TLN2: variants seen among roughly 807,000 people sequenced by gnomAD.
The protein encoded by TLN2 is talin 2, also known as talin-2.
TLN2 carries 118 observed loss-of-function variants against 294.7 expected under a neutral mutation model. That is an observed-to-expected ratio of 0.40 (90% CI 0.34 to 0.47). The LOEUF (loss-of-function observed/expected upper bound fraction) is 0.47. Ranked by LOEUF, TLN2 falls within the 20% of genes least tolerant of loss-of-function variation. TLN2 has a pLI of 0.84. For synonymous variants in TLN2, 1,431 were observed against 1,304.5 expected, an observed-to-expected ratio of 1.10 and a Z score of -2.09; for missense variants, 3,083 against 3,282.2, an observed-to-expected ratio of 0.94 and a Z score of 1.48.
intron 1 of TLN2, among the ~76,000 whole-genome samples, chr15:62,478,840 C>G (rs1208266583): frequency 6.6e-6 from 1 of 152,216 alleles, no homozygotes; most frequent in Non-Finnish European, 1.5e-5. Flanking sequence ...TTTCATTAGG[C>G]TTCTCAACTT....
chr15:62,653,386 A>C lies in TLN2; in HGVS notation c.517+72A>C, dbSNP rs560534949. On this transcript the variant is annotated intron_variant, in intron 7 of 58. Coordinates refer to ENST00000636159, the MANE Select transcript of TLN2 (RefSeq NM_015059.3). ...AAGCCTCACTTCCCTCCCACCATCC[A>C]TATGACCCAGGACAGGACTTTTGAT... 25 of 1,525,064 alleles carry C rather than the reference A, an allele frequency of 1.6e-5. No individual in the cohort carries two copies. In the African/African-American group the frequency reaches 2.7e-4, roughly 16 times the overall value. The allele number at this position is 1,525,064 out of a possible 1,614,324, so 94.5% of individuals were successfully genotyped here. A position where few individuals can be genotyped will look rare whatever the true frequency, so the allele number is the denominator to read the frequency against.
At chr15:62,570,390 C>A (rs1367380808) in intron 1 of TLN2, among the ~76,000 whole-genome samples, 1 of 152,196 alleles carries the variant, frequency 6.6e-6, no homozygotes, top group African/African-American at 2.4e-5. Flanking sequence ...AATATCTAGA[C>A]CCTCTTGTGT....
intron 1 of TLN2, among the ~76,000 whole-genome samples, chr15:62,463,176 C>CT (rs2036909762): frequency 6.6e-6 from 1 of 152,178 alleles, no homozygotes; most frequent in Non-Finnish European, 1.5e-5. Flanking sequence ...GCTCTTGTGT[C>CT]TTTCATGAAG....
In TLN2 at chr15:62,570,654, C is replaced by T. The variant is rs114454737; in HGVS notation, c.-237-19033C>T. Among the ~76,000 whole-genome samples, 40 of 152,140 alleles carry T rather than the reference C, an allele frequency of 2.6e-4. 1 individual carries two copies. The highest frequency in any genetic ancestry group is 7.5e-4 in the African/African-American group (31 of 41,500). On this transcript the variant is annotated intron_variant, in intron 1 of 58. Transcript: ENST00000636159. ...AGTTTAGCCTGTTGACATTTTGGGC[C>T]GGATCATTTTTGTCATATGGTGCTG...
intron 8 of TLN2, among the ~76,000 whole-genome samples, chr15:62,657,517 G>A (rs2414791): frequency 0.99 from 150,226 of 152,328 alleles, 74,109 homozygotes; most frequent in East Asian, 1. Context: ...ACTGTCATCA[G>A]ACTTTGCTTT....
intron 52 of TLN2, among the ~76,000 whole-genome samples, chr15:62,812,331 A>C (rs1305622186): frequency 6.6e-6 from 1 of 152,208 alleles, no homozygotes; most frequent in African/African-American, 2.4e-5. Context: ...TTGATAATGT[A>C]CATGACATCT....
chr15:62,516,547 T>C (rs1418555973), intron 1 of TLN2, among the ~76,000 whole-genome samples: 1 of 152,232 alleles, frequency 6.6e-6, no homozygotes, highest in African/African-American at 2.4e-5. Context: ...GACCTATAAT[T>C]ATCTCAAATC....
intron 11 of TLN2, among the ~76,000 whole-genome samples, chr15:62,676,905 G>T (rs1000993655): frequency 6.6e-6 from 1 of 152,110 alleles, no homozygotes; most frequent in Non-Finnish European, 1.5e-5. Flanking sequence ...GTGAGCCACC[G>T]CACCCTATCT....
At chr15:62,649,122 G>A (rs1567260142) in intron 4 of TLN2, among the ~76,000 whole-genome samples, 2 of 152,186 alleles carry the variant, frequency 1.3e-5, no homozygotes, top group South Asian at 2.1e-4. Context: ...GATTACAGGC[G>A]TGAGCAACTG....
At chr15:62,721,054 C>G (rs1416431178) in intron 25 of TLN2, among the ~76,000 whole-genome samples, 1 of 152,128 alleles carries the variant, frequency 6.6e-6, no homozygotes, top group Non-Finnish European at 1.5e-5. Context: ...AAGATAGAGC[C>G]GTGTAGATGT....
chr15:62,826,535 AC>A (rs2068215683), intron 54 of TLN2, among the ~76,000 whole-genome samples: 1 of 152,096 alleles, frequency 6.6e-6, no homozygotes, highest in African/African-American at 2.4e-5. Context: ...TGGGAGGTGT[AC>A]CTTTTGTTTG....
At chr15:62,478,628 AC>A (rs1410074334) in intron 1 of TLN2, among the ~76,000 whole-genome samples, 1 of 152,046 alleles carries the variant, frequency 6.6e-6, no homozygotes, top group African/African-American at 2.4e-5. Context: ...CAGTGCCAAG[AC>A]CTAGTCCTCG....
intron 2 of TLN2, among the ~76,000 whole-genome samples, chr15:62,607,473 A>G (rs770337404): frequency 1.2e-4 from 18 of 152,170 alleles, no homozygotes; most frequent in Non-Finnish European, 2.5e-4. Flanking sequence ...CCTGAAGTAA[A>G]GTGGATGACA....
At chr15:62,798,276 C>G (rs1382771146) in intron 48 of TLN2, among the ~76,000 whole-genome samples, 1 of 152,130 alleles carries the variant, frequency 6.6e-6, no homozygotes, top group Non-Finnish European at 1.5e-5. Flanking sequence ...GGGAAGGGCC[C>G]TGTGCTTCTG....
intron 1 of TLN2, among the ~76,000 whole-genome samples, chr15:62,534,347 C>G (rs1230658333): frequency 1.3e-5 from 2 of 152,228 alleles, no homozygotes; most frequent in Admixed American, 6.5e-5. Flanking sequence ...GAGCTGCTGA[C>G]TGACAGGCTA....
intron 1 of TLN2, among the ~76,000 whole-genome samples, chr15:62,501,156 G>C (rs1025922206): frequency 1.3e-5 from 2 of 152,158 alleles, no homozygotes; most frequent in Non-Finnish European, 2.9e-5. Context: ...AAGGAGCTTG[G>C]GACAGGTAAG....
chr15:62,716,336 T>A lies in TLN2; in HGVS notation c.2640T>A (p.Ala880=), dbSNP rs780846714. The change falls in exon 23 of 59, where the codon GCT becomes GCA. Residue 880 remains alanine (A), a synonymous_variant. Transcript: ENST00000636159. Reference sequence around the variant, plus strand: ...CTTTATTTTTGCCTTTGCAGGGGGCTGCAGCCAACCCAGAGAATGAGGACC... The same window carrying A: ...CTTTATTTTTGCCTTTGCAGGGGGCAGCAGCCAACCCAGAGAATGAGGACC... ...TARMVEAAKG[A]AANPENEDQQ... 4.4e-6 allele frequency: 7 copies of A among 1,602,838 alleles called. No homozygotes were observed. The highest frequency in any genetic ancestry group is 6.0e-6 in the Non-Finnish European group (7 of 1,176,084).
chr15:62,751,770 C>A (rs1238229541), intron 34 of TLN2, among the ~76,000 whole-genome samples: 1 of 152,254 alleles, frequency 6.6e-6, no homozygotes, highest in Non-Finnish European at 1.5e-5. Context: ...ACACTAAAAT[C>A]TCTTTCAGCT....
intron 1 of TLN2, among the ~76,000 whole-genome samples, chr15:62,430,044 A>G (rs1351379843): frequency 6.6e-6 from 1 of 152,228 alleles, no homozygotes; most frequent in African/African-American, 2.4e-5. Context: ...TTCCTAAACT[A>G]GTTTATTCTA....
Sources: allele counts gnomAD v4.1 joint callset (sites outside exome capture counted in the v4.1 genomes callset), GRCh38; gene constraint gnomAD v4.1.1; transcripts MANE v1.5; gene names NCBI Gene and HGNC (gene_info 2026-07-23, HGNC 2026-07-21).